Variants in CDK12 observed in about 807,000 individuals in gnomAD.
CDK12 encodes cyclin-dependent kinase 12.
CDK12 carries 17 observed loss-of-function variants against 133.8 expected under a neutral mutation model. The ratio of observed to expected loss-of-function variants is 0.13; its 90% CI spans 0.09 to 0.19. The LOEUF is 0.19. Among genes scored for constraint, CDK12 ranks in the 10% least tolerant of loss-of-function variants. CDK12 has a pLI of 1.00. For missense variants in CDK12, 1,508 were observed against 1,818.7 expected (o/e 0.83, Z 3.11); for synonymous variants, 694 against 683.6 (o/e 1.02, Z -0.24).
At chr17:39,508,380 G>T (rs1239026106) in intron 6 of CDK12, among the ~76,000 whole-genome samples, 1 of 152,060 alleles carries the variant, frequency 6.6e-6, no homozygotes, top group Non-Finnish European at 1.5e-5. Flanking sequence ...GACTAAACAG[G>T]TTACATGAAT....
Position 39,462,618 on chromosome 17 carries a change from A to G in CDK12, c.547A>G (p.Lys183Glu). ...CAGGTCATCCAAGCTCCACAAGGAGAAGACCAGGAAAGAACGGGAGCTGAA... is the reference window on the plus strand; with the variant it reads ...CAGGTCATCCAAGCTCCACAAGGAGGAGACCAGGAAAGAACGGGAGCTGAA... Reference protein sequence around the residue: ...ESRSSKLHKEKTRKERELKSG... With the variant: ...ESRSSKLHKEETRKERELKSG... The change falls in exon 1 of 14, where the codon AAG becomes GAG. Residue 183 changes from lysine (K) to glutamate (E), a missense_variant. By Grantham distance (56) the Lys-to-Glu change is moderately conservative. Transcript: ENST00000447079. 6.2e-7 allele frequency: 1 copy of G among 1,614,134 alleles called. No individual in the cohort carries two copies. The highest frequency in any genetic ancestry group is 8.5e-7 in the Non-Finnish European group (1 of 1,180,048).
At chr17:39,565,393 C>T (rs551612468), downstream of CDK12, among the ~76,000 whole-genome samples, 5 of 150,724 alleles carry the variant, frequency 3.3e-5, no homozygotes, top group African/African-American at 9.8e-5. Flanking sequence ...GGATTACAGG[C>T]GTGAGCCACC....
Position 39,462,810 on chromosome 17 carries a change from G to T in CDK12, c.739G>T (p.Asp247Tyr), listed in dbSNP as rs1465346460. 2.5e-6 allele frequency: 4 copies of T among 1,614,162 alleles called. No individual in the cohort carries two copies. In the South Asian group the frequency reaches 4.4e-5, roughly 18 times the overall value. Residue 247 changes from aspartate to tyrosine, a missense_variant, in exon 1 of 14, where the codon GAC becomes TAC. Asp to Tyr is a radical substitution (Grantham distance 160). This residue lies in a region of CDK12 where 460 missense variants were observed against 490.8 expected (regional missense o/e 0.94). Coordinates refer to ENST00000447079, the MANE Select transcript of CDK12 (RefSeq NM_016507.4). Reference protein sequence around the residue: ...PSGASYGQDYDLSPSRSHTSS... With the variant: ...PSGASYGQDYYLSPSRSHTSS... ...GGGAGCTTCTTATGGCCAAGATTAT[G>T]ACCTTAGTCCCTCACGATCTCATAC...
At chr17:39,563,542 T>G (rs563992662) in intron 3 of CDK12, among the ~76,000 whole-genome samples, 2 of 131,074 alleles carry the variant, frequency 1.5e-5, no homozygotes, top group South Asian at 4.9e-4. Context: ...CTCCTCCCTC[T>G]CTCTTCTTCT....
At chr17:39,487,178 A>T (rs2051201723) in intron 2 of CDK12, among the ~76,000 whole-genome samples, 1 of 152,142 alleles carries the variant, frequency 6.6e-6, no homozygotes, top group Admixed American at 6.6e-5. Flanking sequence ...TGACTATCCC[A>T]GTTCTGGTTG....
chr17:39,565,985 G>A (rs1049676298), downstream of CDK12, among the ~76,000 whole-genome samples: 2 of 152,160 alleles, frequency 1.3e-5, no homozygotes, highest in African/African-American at 4.8e-5. Flanking sequence ...AGGCCTGTAT[G>A]TAGAGTCAGG....
At chr17:39,491,702 T>G (rs2051617285) in intron 3 of CDK12, among the ~76,000 whole-genome samples, 1 of 119,226 alleles carries the variant, frequency 8.4e-6, no homozygotes, top group African/African-American at 3.1e-5. Context: ...TGTTTATGTA[T>G]TTTTTTTTTT....
At chr17:39,558,669 G>A (rs2056252089) in intron 3 of CDK12, among the ~76,000 whole-genome samples, 1 of 152,302 alleles carries the variant, frequency 6.6e-6, no homozygotes, top group African/African-American at 2.4e-5. Flanking sequence ...TTGAGACGGA[G>A]TTTTGCTCTT....
chr17:39,466,008 C>T (rs903609259), intron 1 of CDK12, among the ~76,000 whole-genome samples: 1 of 151,982 alleles, frequency 6.6e-6, no homozygotes, highest in Admixed American at 6.6e-5. Context: ...CTCATGTTCT[C>T]TTAAGAGAGT....
intron 6 of CDK12, among the ~76,000 whole-genome samples, chr17:39,506,251 C>G (rs1315946578): frequency 7.4e-6 from 1 of 135,248 alleles, no homozygotes; most frequent in Non-Finnish European, 1.5e-5. Flanking sequence ...GAGTCTCACT[C>G]TGTCACCAGG....
chr17:39,504,942 A>T (rs1352391231), intron 6 of CDK12, among the ~76,000 whole-genome samples: 1 of 147,156 alleles, frequency 6.8e-6, no homozygotes, highest in East Asian at 2.1e-4. Context: ...GCAGTTGAAG[A>T]TTTGGGGGCC....
chr17:39,462,646 C>T lies in CDK12; in HGVS notation c.575C>T (p.Ser192Phe), dbSNP rs759887608. 1.2e-6 allele frequency: 2 copies of T among 1,614,090 alleles called. No homozygotes were observed. Among genetic ancestry groups the T allele is most frequent in the Non-Finnish European group, 1.7e-6 (2 of 1,180,028 alleles). ...ACCAGGAAAGAACGGGAGCTGAAGT[C>T]TGGGCACAAAGACCGGAGTAAAAGT... ...EKTRKERELKSGHKDRSKSHR... is the reference protein window; with the variant it reads ...EKTRKERELKFGHKDRSKSHR... Residue 192 changes from serine (S) to phenylalanine (F), a missense_variant, in exon 1 of 14, where the codon TCT (serine) becomes TTT (phenylalanine). Ser to Phe is a radical substitution (Grantham distance 155). This residue lies in a region of CDK12 where 460 missense variants were observed against 490.8 expected (regional missense o/e 0.94). Transcript: ENST00000447079.
downstream of CDK12, among the ~76,000 whole-genome samples, chr17:39,536,830 T>G (rs1187067372): frequency 1.3e-5 from 2 of 152,194 alleles, no homozygotes; most frequent in Non-Finnish European, 2.9e-5. Flanking sequence ...AAGTGGGTAG[T>G]TTGTTAGTGG....
intron 1 of CDK12, among the ~76,000 whole-genome samples, chr17:39,469,798 T>C (rs1349011524): frequency 6.6e-6 from 1 of 151,870 alleles, no homozygotes; most frequent in African/African-American, 2.4e-5. Context: ...CCACAACGCC[T>C]GGCTAATTTT....
intron 7 of CDK12, among the ~76,000 whole-genome samples, chr17:39,511,287 AT>A (rs2053493868): frequency 6.7e-6 from 1 of 149,366 alleles, no homozygotes; most frequent in South Asian, 2.1e-4. Flanking sequence ...GCCTCAAATG[AT>A]TCTCCCCTTT....
chr17:39,501,940 G>A (rs969861139), intron 6 of CDK12, among the ~76,000 whole-genome samples: 3 of 151,430 alleles, frequency 2.0e-5, no homozygotes, highest in African/African-American at 4.9e-5. Context: ...CACCTCCCAG[G>A]TTCAAGCGAT....
chr17:39,563,750 T>G (rs2056474666), intron 3 of CDK12, among the ~76,000 whole-genome samples: 3 of 150,668 alleles, frequency 2.0e-5, no homozygotes. Context: ...CATTGGTGTG[T>G]GCAAACGCCG....
chr17:39,470,533 C>T (rs2145175267), intron 1 of CDK12, among the ~76,000 whole-genome samples: 1 of 152,242 alleles, frequency 6.6e-6, no homozygotes, highest in East Asian at 1.9e-4. Context: ...CCAGTTTCTC[C>T]TATTGTTAAC....
intron 1 of CDK12, among the ~76,000 whole-genome samples, chr17:39,469,301 T>G (rs970700343): frequency 6.6e-6 from 1 of 152,168 alleles, no homozygotes; most frequent in Non-Finnish European, 1.5e-5. Flanking sequence ...TGCAATAATA[T>G]CTTTAGGAGT....
Sources: gnomAD v4.1 joint callset for allele counts (sites outside exome capture counted in the v4.1 genomes callset) on GRCh38, gnomAD v4.1.1 for gene constraint, gnomAD v4.1.1 regional missense constraint, MANE v1.5 for transcripts, NCBI Gene and HGNC (gene_info 2026-07-23, HGNC 2026-07-21) for gene names.